Variants in ODF2L observed in about 807,000 individuals in gnomAD.
The protein encoded by ODF2L is protein BCAP.
ODF2L carries 76 observed loss-of-function variants against 86.3 expected under a neutral mutation model. The observed-to-expected ratio is 0.88, with a 90% CI of 0.73 to 1.07. The LOEUF (loss-of-function observed/expected upper bound fraction) is 1.07. Among genes scored for constraint, ODF2L ranks in the 50% least tolerant of loss-of-function variants. The pLI is 0.00. For missense variants in ODF2L, 748 were observed against 717.4 expected, an observed-to-expected ratio of 1.04 and a Z score of -0.49; for synonymous variants, 241 against 231.3, an observed-to-expected ratio of 1.04 and a Z score of -0.38.
intron 10 of ODF2L, among the ~76,000 whole-genome samples, chr1:86,370,095 AAAAC>A (rs1019452994): frequency 5.3e-5 from 8 of 152,068 alleles, no homozygotes; most frequent in East Asian, 3.8e-4. Context: ...TTTCTAATGC[AAAAC>A]AAACAAAGAA....
chr1:86,362,762 C>T (rs555794126), intron 11 of ODF2L, among the ~76,000 whole-genome samples: 5 of 152,098 alleles, frequency 3.3e-5, no homozygotes, highest in Admixed American at 2.6e-4. Context: ...TGGGTTCAAG[C>T]GATTCTCCTG....
At chr1:86,384,454 G>T (rs1329375111) in intron 4 of ODF2L, among the ~76,000 whole-genome samples, 2 of 147,120 alleles carry the variant, frequency 1.4e-5, no homozygotes, top group Non-Finnish European at 1.5e-5. Context: ...AATTAAGTAT[G>T]ACAAAGTTTT....
Position 86,390,013 on chromosome 1 carries a change from G to C in ODF2L, c.-59-2927C>G, listed in dbSNP as rs12048329. Among the ~76,000 whole-genome samples the C allele has an allele frequency of 0.011, 1,701 of 152,240 alleles. 68 individuals are homozygous for C. The East Asian group carries it at 0.12, about 10-fold the overall frequency. ...CACTACTCCACAAGATACAGAAAGA[G>C]AGAATCCTCCCTAAATCATTCTATG... On this transcript the variant is annotated intron_variant, in intron 1 of 17. Coordinates refer to ENST00000317336, the Ensembl canonical transcript of ODF2L.
downstream of ODF2L, chr1:86,346,901 T>G (rs1282348806): frequency 2.0e-5 from 3 of 152,180 alleles, no homozygotes; most frequent in Non-Finnish European, 4.4e-5. Context: ...TGGTGAGAGT[T>G]AAGAGCAGAG....
chr1:86,348,916 T>C (rs1448889945), downstream of ODF2L: 5 of 1,529,636 alleles, frequency 3.3e-6, no homozygotes, highest in Non-Finnish European at 3.5e-6. Flanking sequence ...TAAGCAATAA[T>C]AGCATTCATT....
intron 16 of ODF2L, among the ~76,000 whole-genome samples, chr1:86,353,357 C>G (rs921097069): frequency 3.9e-5 from 6 of 152,102 alleles, no homozygotes; most frequent in Non-Finnish European, 2.9e-5. Context: ...TTGTTAAATA[C>G]TCATTATACA....
intron 1 of ODF2L, among the ~76,000 whole-genome samples, chr1:86,387,709 T>A (rs920325185): frequency 1.3e-5 from 2 of 152,164 alleles, no homozygotes; most frequent in Non-Finnish European, 2.9e-5. Flanking sequence ...AAAATGTGAA[T>A]ATTAATTTCT....
intron 11 of ODF2L, among the ~76,000 whole-genome samples, chr1:86,361,989 G>A (rs1659070405): frequency 6.6e-6 from 1 of 152,148 alleles, no homozygotes; most frequent in South Asian, 2.1e-4. Context: ...AATGACATGT[G>A]GGCGAAGGCC....
At chr1:86,374,492 G>A (rs571232236) in intron 8 of ODF2L, among the ~76,000 whole-genome samples, 1 of 152,040 alleles carries the variant, frequency 6.6e-6, no homozygotes, top group Non-Finnish European at 1.5e-5. Flanking sequence ...TAAGCCACGA[G>A]AAGCAAAATT....
Position 86,354,541 on chromosome 1 carries a change from C to G in ODF2L, c.1756G>C (p.Gly586Arg), listed in dbSNP as rs113880790. The change falls in exon 16 of 18, where the codon GGA becomes CGA. Residue 586 changes from glycine (G) to arginine (R), a missense_variant. Gly to Arg is a moderately radical substitution (Grantham distance 125, BLOSUM62 -2). Coordinates refer to ENST00000317336, the Ensembl canonical transcript of ODF2L. ...AAGGCCATGCATACCTTTTGTCTTC[C>G]TTCTTCTAAAGCAGCTTCCAGTTGT... 45 of 1,593,550 alleles carry G rather than the reference C, an allele frequency of 2.8e-5. No homozygotes were observed. The highest frequency in any genetic ancestry group is 2.4e-4 in the African/African-American group (18 of 73,854).
chr1:86,376,339 C>G, exon 8 of ODF2L: 1 of 1,612,244 alleles, frequency 6.2e-7, no homozygotes, highest in Non-Finnish European at 8.5e-7. Context: ...TTTTTGCCTA[C>G]TTGCTTCTTT....
intron 7 of ODF2L, among the ~76,000 whole-genome samples, chr1:86,377,713 T>G (rs919287953): frequency 1.3e-5 from 2 of 152,218 alleles, no homozygotes; most frequent in African/African-American, 4.8e-5. Flanking sequence ...GAGCTATGCA[T>G]TGGCCCCTTT....
chr1:86,378,711 T>C (rs180895569), intron 7 of ODF2L, among the ~76,000 whole-genome samples: 1 of 151,968 alleles, frequency 6.6e-6, no homozygotes, highest in Admixed American at 6.5e-5. Flanking sequence ...AACCATCAGA[T>C]CTCACTCACT....
chr1:86,358,680 C>A, intron 13 of ODF2L, 107 bp downstream of exon 12: 1 of 468,158 alleles, frequency 2.1e-6, no homozygotes, highest in Non-Finnish European at 3.7e-6. Flanking sequence ...AAGACTAGCC[C>A]TTTCCTAAGT....
At chr1:86,386,876 A>G (rs1180403381) in intron 2 of ODF2L, 39 bp downstream of exon 2, 1 of 1,023,726 alleles carries the variant, frequency 9.8e-7, no homozygotes, top group South Asian at 1.4e-5. Flanking sequence ...AAATCCTAGA[A>G]TCGGAAATTT....
At chr1:86,350,584 C>A (rs1168512314) in exon 18 of ODF2L, 1 of 152,130 alleles carries the variant, frequency 6.6e-6, no homozygotes, top group Non-Finnish European at 1.5e-5. Flanking sequence ...GTCTCTATAG[C>A]AGCATGATTT....
chr1:86,382,608 G>A (rs775949229), intron 6 of ODF2L, among the ~76,000 whole-genome samples: 9 of 151,648 alleles, frequency 5.9e-5, no homozygotes, highest in Admixed American at 1.3e-4. Context: ...TCTAAATAAA[G>A]GTATGGGTAT....
At chr1:86,355,510 A>ATC in intron 14 of ODF2L, 1 of 529,394 alleles carries the variant, frequency 1.9e-6, no homozygotes. Context: ...CAGGAATTTA[A>ATC]ACTAAAATTT....
intron 11 of ODF2L, among the ~76,000 whole-genome samples, chr1:86,365,988 G>C (rs1659383258): frequency 6.6e-6 from 1 of 152,160 alleles, no homozygotes; most frequent in Non-Finnish European, 1.5e-5. Flanking sequence ...GAACTGTTTG[G>C]GAATAACAGA....
Sources: allele counts gnomAD v4.1 joint callset (sites outside exome capture counted in the v4.1 genomes callset), GRCh38; gene constraint gnomAD v4.1.1; transcripts MANE v1.5; gene names NCBI Gene and HGNC (gene_info 2026-07-23, HGNC 2026-07-21).